CELSR1: variants seen among roughly 807,000 people sequenced by gnomAD.
CELSR1 encodes cadherin EGF LAG seven-pass G-type receptor 1.
CELSR1 carries 110 observed loss-of-function variants against 249.1 expected under a neutral mutation model. The ratio of observed to expected loss-of-function variants is 0.44; its 90% CI spans 0.38 to 0.52. The LOEUF (loss-of-function observed/expected upper bound fraction) is 0.52. Ranked by LOEUF, CELSR1 falls within the 20% of genes least tolerant of loss-of-function variation. The probability of loss-of-function intolerance (pLI) is 0.00; values close to 1 mark genes in which losing one functional copy is unlikely to be tolerated. For missense variants in CELSR1, 4,109 were observed against 4,296.4 expected (o/e 0.96, Z 1.22); for synonymous variants, 2,113 against 1,900.0 (o/e 1.11, Z -2.92).
intron 5 of CELSR1, among the ~76,000 whole-genome samples, chr22:46,414,565 G>C (rs1381824103): frequency 6.6e-6 from 1 of 151,744 alleles, no homozygotes; most frequent in Non-Finnish European, 1.5e-5. Flanking sequence ...CGGCGAGTGT[G>C]GGTTAAACAC....
chr22:46,365,728 C>A, intron 30 of CELSR1, 39 bp from the exon 31 acceptor site: 1 of 1,493,506 alleles, frequency 6.7e-7, no homozygotes, highest in Non-Finnish European at 9.1e-7. Flanking sequence ...TATCATCCGT[C>A]AGGGAACAGG....
At position 46,409,661 on chromosome 22, in the gene CELSR1, A is replaced by T. The variant is rs1227993700; in HGVS notation, c.5059+94T>A. 1 of 1,482,856 alleles carries T rather than the reference A, an allele frequency of 6.7e-7. No homozygotes were observed. 91.9% of individuals were successfully genotyped at this position (1,482,856 alleles called of 1,614,324 possible). The stretch of plus-strand genomic sequence containing the variant: ...TACCACCAGAGGCTGCCGGACCTGG[A>T]TGTGAAGCCCCCTCACGGTGGTCCC... On this transcript the variant is annotated intron_variant, in intron 8 of 34. Coordinates refer to ENST00000674500, the MANE Select transcript of CELSR1 (RefSeq NM_001378328.1). This position sits in a 1 kb window ranked among gnomAD's most constrained non-coding sequence, Gnocchi z 9.8.
chr22:46,474,713 C>A (rs1188171049), intron 1 of CELSR1, among the ~76,000 whole-genome samples: 2 of 115,474 alleles, frequency 1.7e-5, no homozygotes, highest in East Asian at 5.8e-4. Flanking sequence ...ACTCTTTGAC[C>A]AATCTCTCCC....
At chr22:46,455,278 G>A (rs1234860916) in intron 2 of CELSR1, among the ~76,000 whole-genome samples, 2 of 152,194 alleles carry the variant, frequency 1.3e-5, no homozygotes, top group Middle Eastern at 6.3e-3. Context: ...CGCCCAGGCT[G>A]GAGTGCAGTG....
In CELSR1 at chr22:46,364,859, C is replaced by T. The variant is rs2078749377; in HGVS notation, c.8555-123G>A. 3.9e-6 allele frequency: 4 copies of T among 1,017,746 alleles called. No individual in the cohort carries two copies. The South Asian group carries it at 6.7e-5, about 17-fold the overall frequency. 63.0% of individuals were successfully genotyped at this position (1,017,746 alleles called of 1,614,324 possible). A position where few individuals can be genotyped will look rare whatever the true frequency, so the allele number is the denominator to read the frequency against. ...AACCTGCAGGCCTGGTAGGGCTGAA[C>T]CCTAAAGGTGGGGAAACTGAGGCCC... is the stretch of plus-strand genomic sequence containing the variant. On this transcript the variant is annotated intron_variant, in intron 32 of 34. Transcript: ENST00000674500.
intron 2 of CELSR1, 121 bp from the exon 3 acceptor site, chr22:46,439,532 G>A (rs368749518): frequency 1.2e-4 from 92 of 764,584 alleles, no homozygotes; most frequent in African/African-American, 7.1e-4. Context: ...AAGAAAACCC[G>A]ACTGACTCCA....
rs1465263122 is a variant in CELSR1 at position 46,393,905 on chromosome 22, C to G, written c.5964+237G>C. Among the ~76,000 whole-genome samples, 1 of 152,190 alleles carries G rather than the reference C, an allele frequency of 6.6e-6. No homozygotes were observed. The highest frequency in any genetic ancestry group is 1.9e-4 in the East Asian group (1 of 5,192). On this transcript the variant is annotated intron_variant, in intron 14 of 34. Coordinates refer to ENST00000674500, the MANE Select transcript of CELSR1 (RefSeq NM_001378328.1). This position sits in a 1 kb window ranked among gnomAD's most constrained non-coding sequence, Gnocchi z 4.1. The stretch of plus-strand genomic sequence containing the variant: ...GTTCCACGGGCGGGGGCTGGCAGGG[C>G]TGAACCCGTAGTTTACACGTGGAAA...
At position 46,516,183 on chromosome 22, in the gene CELSR1, A is replaced by G. The variant is rs112996034; in HGVS notation, c.3544+17444T>C. The stretch of plus-strand genomic sequence containing the variant: ...GTATGTTTATTGCGGCACTACTCAC[A>G]ATAGCAAAGACTTGGAACCAACCCA... On this transcript the variant is annotated intron_variant, in intron 1 of 34. Transcript: ENST00000674500. Among the ~76,000 whole-genome samples, 1,179 of 152,280 alleles carry G rather than the reference A, an allele frequency of 7.7e-3. 15 individuals carry two copies. The highest frequency in any genetic ancestry group is 0.027 in the African/African-American group (1,130 of 41,546).
In CELSR1 at chr22:46,395,435, C is replaced by A. The variant is rs2079137468; in HGVS notation, c.5843+1170G>T. On this transcript the variant is annotated intron_variant, in intron 13 of 34. Coordinates refer to ENST00000674500, the MANE Select transcript of CELSR1 (RefSeq NM_001378328.1). The surrounding 1 kb of genome is among the most constrained non-coding windows in gnomAD (Gnocchi z 5.5). Reference sequence around the variant, plus strand: ...TCTAGATCAGCCTCATCCCCTTACTCCTCTCCAGCTTGGCTCTGTTGCTTT... The same window carrying A: ...TCTAGATCAGCCTCATCCCCTTACTACTCTCCAGCTTGGCTCTGTTGCTTT... Among the ~76,000 whole-genome samples, 3 of 152,278 alleles carry A rather than the reference C, an allele frequency of 2.0e-5. No individual in the cohort carries two copies. The highest frequency in any genetic ancestry group is 7.2e-5 in the African/African-American group (3 of 41,558).
chr22:46,365,182 A>AG (rs778871453), intron 32 of CELSR1, 49 bp downstream of exon 32: 21 of 1,580,906 alleles, frequency 1.3e-5, no homozygotes, highest in Non-Finnish European at 1.7e-5. Flanking sequence ...GCCTGCCCCG[A>AG]GCCCGCTGTC....
In CELSR1 at chr22:46,391,559, GCA is replaced by G; in HGVS notation, c.6148+72_6148+73del. On this transcript the variant is annotated intron_variant, in intron 15 of 34. Transcript: ENST00000674500. The surrounding 1 kb of genome is among the most constrained non-coding windows in gnomAD (Gnocchi z 4.3). ...GGTCCCCCAAACACCCAGCGTGCAT[GCA>G]CACACGTGCACGCCAGTGCAGCAGC... 5 of 1,451,558 alleles carry G rather than the reference GCA, an allele frequency of 3.4e-6. No individual in the cohort carries two copies. Among genetic ancestry groups the G allele is most frequent in the Non-Finnish European group, 4.5e-6 (5 of 1,100,616 alleles). The allele number at this position is 1,451,558 out of a possible 1,614,324, so 89.9% of individuals were successfully genotyped here.
intron 12 of CELSR1, among the ~76,000 whole-genome samples, chr22:46,397,416 C>T (rs187051548): frequency 1.5e-4 from 23 of 151,940 alleles, no homozygotes; most frequent in Admixed American, 3.9e-4. Context: ...CCACTGCACC[C>T]GGCCTTACTT....
intron 29 of CELSR1, 82 bp downstream of exon 29, chr22:46,366,909 CTG>C (rs774220579): frequency 1.1e-4 from 169 of 1,510,826 alleles, no homozygotes; most frequent in Non-Finnish European, 1.4e-4. Flanking sequence ...GGCCGCAGGA[CTG>C]GGGCTGAGGC....
intron 1 of CELSR1, among the ~76,000 whole-genome samples, chr22:46,502,407 G>C (rs1190705931): frequency 7.1e-6 from 1 of 140,726 alleles, no homozygotes; most frequent in Non-Finnish European, 1.6e-5. Context: ...GGAAAGAAGA[G>C]GGAAGGGGAA....
At chr22:46,479,473 C>T (rs1260775079) in intron 1 of CELSR1, among the ~76,000 whole-genome samples, 8 of 152,144 alleles carry the variant, frequency 5.3e-5, no homozygotes, top group Non-Finnish European at 7.3e-5. Flanking sequence ...AAGCTACCCA[C>T]GGTGGCTGAA....
chr22:46,397,684 G>A lies in CELSR1; in HGVS notation c.5691C>T (p.Val1897=). Reference sequence around the variant, plus strand: ...GGAGGGCGGTCCCACCTTTGTCACAGACGCAGCTGTAGTCCTCCCAGGCGT... The same window carrying A: ...GGAGGGCGGTCCCACCTTTGTCACAAACGCAGCTGTAGTCCTCCCAGGCGT... The part of the protein sequence containing the change: ...CHDAWEDYSC[V]CDKGYLGINC... The change falls in exon 12 of 35, where the codon GTC becomes GTT. Residue 1897 remains valine, a synonymous_variant. Coordinates refer to ENST00000674500, the MANE Select transcript of CELSR1 (RefSeq NM_001378328.1). 6.6e-7 allele frequency: 1 copy of A among 1,519,038 alleles called. No individual in the cohort carries two copies. Among genetic ancestry groups the A allele is most frequent in the Non-Finnish European group, 8.9e-7 (1 of 1,126,324 alleles). 94.1% of individuals were successfully genotyped at this position (1,519,038 alleles called of 1,614,324 possible). A position where few individuals can be genotyped will look rare whatever the true frequency, so the allele number is the denominator to read the frequency against.
In CELSR1 at chr22:46,408,418, G is replaced by A. The variant is rs1235543216; in HGVS notation, c.5226+578C>T. Among the ~76,000 whole-genome samples the A allele has an allele frequency of 6.6e-5, 10 of 152,134 alleles. No homozygotes were observed. The highest frequency in any genetic ancestry group is 2.4e-4 in the African/African-American group (10 of 41,422). On this transcript the variant is annotated intron_variant, in intron 9 of 34. Transcript: ENST00000674500. The surrounding 1 kb of genome is among the most constrained non-coding windows in gnomAD (Gnocchi z 4.6). ...ACGTTCTCGGGTCACTGCAACCTCC[G>A]CCTTCCAGATTCAAGTGATTCCCCT...
intron 5 of CELSR1, among the ~76,000 whole-genome samples, chr22:46,425,700 G>A (rs1424814001): frequency 2.8e-5 from 3 of 108,082 alleles, no homozygotes; most frequent in African/African-American, 7.7e-5. Context: ...GCTTTGAAAA[G>A]ATTTTGTTAA....
chr22:46,461,511 G>A (rs2080026867), intron 2 of CELSR1, among the ~76,000 whole-genome samples: 1 of 152,182 alleles, frequency 6.6e-6, no homozygotes, highest in African/African-American at 2.4e-5. Context: ...CTGGCGGCCT[G>A]GAAGGCCGAT....
Sources: allele counts gnomAD v4.1 joint callset (sites outside exome capture counted in the v4.1 genomes callset), GRCh38; gene constraint gnomAD v4.1.1; non-coding constraint Gnocchi (gnomAD v3.1); transcripts MANE v1.5; gene names NCBI Gene and HGNC (gene_info 2026-07-23, HGNC 2026-07-21).